The following STK10 variants were observed in gnomAD, a reference collection of about 807,000 sequenced individuals.
STK10 encodes the protein serine/threonine kinase 10.
Under a neutral mutation model 113.8 loss-of-function variants are expected in STK10, and 78 were observed. The observed-to-expected ratio is 0.69, with a 90% confidence interval of 0.57 to 0.83. STK10 has a LOEUF of 0.83. STK10 is among the 40% of genes least tolerant of loss of function. STK10 has a pLI of 0.00. For missense variants in STK10, 1,109 were observed against 1,280.1 expected (o/e 0.87, Z 2.04); for synonymous variants, 465 against 494.7 (o/e 0.94, Z 0.80).
chr5:172,144,890 C>T (rs1770054796), intron 2 of STK10, among the ~76,000 whole-genome samples: 1 of 152,152 alleles, frequency 6.6e-6, no homozygotes, highest in Non-Finnish European at 1.5e-5. Flanking sequence ...CAGGTGGTTG[C>T]ACACCTAACT....
intron 4 of STK10, among the ~76,000 whole-genome samples, chr5:172,112,017 C>T (rs1769247082): frequency 6.6e-6 from 1 of 152,198 alleles, no homozygotes; most frequent in East Asian, 1.9e-4. Context: ...AATTGGAAAT[C>T]ATCCAAAGTG....
At chr5:172,105,356 G>A (rs1459949266) in intron 7 of STK10, among the ~76,000 whole-genome samples, 1 of 151,964 alleles carries the variant, frequency 6.6e-6, no homozygotes, top group Non-Finnish European at 1.5e-5. Context: ...CCCCTGCACT[G>A]TGGATCTCCT....
intron 2 of STK10, among the ~76,000 whole-genome samples, chr5:172,153,710 G>T (rs1770292814): frequency 6.6e-6 from 1 of 152,248 alleles, no homozygotes; most frequent in South Asian, 2.1e-4. Flanking sequence ...AGGGGCCCAG[G>T]CCTGGTCACA....
In STK10 at chr5:172,048,829, G is replaced by GCC. The variant is rs139348531; in HGVS notation, c.2767-3809_2767-3808dup. 6.6e-3 allele frequency among the ~76,000 whole-genome samples: 1,000 copies of GCC among 151,518 alleles called. 28 individuals carry two copies. The highest frequency in any genetic ancestry group is 0.048 in the Admixed American group (736 of 15,202). Reference sequence around the variant, plus strand: ...AGAGTAAAAGCCAGACTTTACGCAGGCCCCCCACCCCTCTGACTTTACCTC... The same window carrying GCC: ...AGAGTAAAAGCCAGACTTTACGCAGGCCCCCCCCACCCCTCTGACTTTACCTC... On this transcript the variant is annotated intron_variant, in intron 18 of 18. Coordinates refer to ENST00000176763, the MANE Select transcript of STK10 (RefSeq NM_005990.4).
intron 3 of STK10, among the ~76,000 whole-genome samples, chr5:172,126,207 G>A (rs1251194126): frequency 6.6e-6 from 1 of 152,154 alleles, no homozygotes; most frequent in Admixed American, 6.6e-5. Flanking sequence ...GTTAGGAGCG[G>A]GTCACCCAGA....
At chr5:172,080,984 T>C (rs2113728884) in intron 12 of STK10, among the ~76,000 whole-genome samples, 1 of 152,346 alleles carries the variant, frequency 6.6e-6, no homozygotes, top group East Asian at 1.9e-4. Flanking sequence ...ACTCTCTTGT[T>C]AGGGTTTCAT....
chr5:172,146,997 C>T (rs1264497792), intron 2 of STK10, among the ~76,000 whole-genome samples: 1 of 152,224 alleles, frequency 6.6e-6, no homozygotes, highest in East Asian at 1.9e-4. Flanking sequence ...ACGTCGAGGC[C>T]TCTGGACCTT....
At chr5:172,047,537 G>A (rs538722574) in intron 18 of STK10, among the ~76,000 whole-genome samples, 1 of 152,156 alleles carries the variant, frequency 6.6e-6, no homozygotes, top group Non-Finnish European at 1.5e-5. Flanking sequence ...ACTGATGAGC[G>A]TGGGCCTAAC....
intron 4 of STK10, among the ~76,000 whole-genome samples, chr5:172,109,158 T>C (rs1769180678): frequency 6.6e-6 from 1 of 152,152 alleles, no homozygotes; most frequent in Non-Finnish European, 1.5e-5. Context: ...ATATACTGTC[T>C]GGTCAGAATC....
intron 1 of STK10, among the ~76,000 whole-genome samples, chr5:172,165,345 G>A (rs1003604724): frequency 6.6e-6 from 1 of 152,178 alleles, no homozygotes; most frequent in Non-Finnish European, 1.5e-5. Context: ...AGAGACCAGG[G>A]TCCCATCTGT....
At chr5:172,125,294 TAC>T (rs1480122422) in intron 3 of STK10, among the ~76,000 whole-genome samples, 2 of 152,238 alleles carry the variant, frequency 1.3e-5, no homozygotes, top group Non-Finnish European at 2.9e-5. Flanking sequence ...AAGCTGTGTG[TAC>T]ACAATCACCA....
chr5:172,127,333 C>A, intron 3 of STK10, 40 bp downstream of exon 3: 1 of 1,612,052 alleles, frequency 6.2e-7, no homozygotes, highest in South Asian at 1.1e-5. Flanking sequence ...CCAAACGAGT[C>A]GTCTGGTCCC....
chr5:172,056,167 C>T (rs1767749754), intron 15 of STK10, among the ~76,000 whole-genome samples: 2 of 152,188 alleles, frequency 1.3e-5, no homozygotes, highest in Non-Finnish European at 1.5e-5. Flanking sequence ...ATTTGTATTT[C>T]AAAGCTCAGC....
At chr5:172,072,299 C>G (rs1477513936) in intron 12 of STK10, among the ~76,000 whole-genome samples, 1 of 151,460 alleles carries the variant, frequency 6.6e-6, no homozygotes, top group Non-Finnish European at 1.5e-5. Flanking sequence ...TGGAGTCTTG[C>G]TCTGTCGCCC....
chr5:172,059,951 C>T (rs879936227), intron 14 of STK10, among the ~76,000 whole-genome samples: 1 of 152,210 alleles, frequency 6.6e-6, no homozygotes. Context: ...ATTAACTGTG[C>T]AACCTCAGTG....
intron 9 of STK10, among the ~76,000 whole-genome samples, chr5:172,090,711 C>A (rs1053590544): frequency 2.6e-5 from 4 of 151,770 alleles, no homozygotes; most frequent in African/African-American, 9.7e-5. Flanking sequence ...CCGAGGCAGG[C>A]GGATCACAAG....
intron 2 of STK10, among the ~76,000 whole-genome samples, chr5:172,141,179 G>C (rs942947089): frequency 6.6e-6 from 1 of 152,206 alleles, no homozygotes; most frequent in Non-Finnish European, 1.5e-5. Context: ...AATAAGCTCT[G>C]GAGATCTGTT....
At chr5:172,063,427 G>A (rs539217931) in intron 13 of STK10, 29 of 152,160 alleles carry the variant, frequency 1.9e-4, no homozygotes, top group African/African-American at 5.8e-4. Context: ...TTTAAATAGC[G>A]CTACTTCATA....
At position 172,082,536 on chromosome 5, in the gene STK10, G is replaced by C. The variant is rs762666481; in HGVS notation, c.1810-31C>G. 7.7e-6 allele frequency: 12 copies of C among 1,548,742 alleles called. No homozygotes were observed. The highest frequency in any genetic ancestry group is 1.0e-5 in the Non-Finnish European group (12 of 1,149,444). On this transcript the variant is annotated intron_variant, in intron 11 of 18. Coordinates refer to ENST00000176763, the MANE Select transcript of STK10 (RefSeq NM_005990.4). The surrounding 1 kb of genome is among the most constrained non-coding windows in gnomAD (Gnocchi z 4.3). The stretch of plus-strand genomic sequence containing the variant: ...AGGAGCAGAAATTCTGAGAAACTTA[G>C]CGAAGTCACTTTATACCTGGGAGGG...
Sources: gnomAD v4.1 joint callset for allele counts (sites outside exome capture counted in the v4.1 genomes callset) on GRCh38, gnomAD v4.1.1 for gene constraint, Gnocchi (gnomAD v3.1) non-coding constraint, MANE v1.5 for transcripts, NCBI Gene and HGNC (gene_info 2026-07-23, HGNC 2026-07-21) for gene names.